DMD: variants seen among roughly 807,000 people sequenced by gnomAD.
DMD encodes the protein dystrophin, also known as mutant dystrophin.
DMD carries 63 observed loss-of-function variants against 330.1 expected under a neutral mutation model. The ratio of observed to expected loss-of-function variants is 0.19; its 90% CI spans 0.16 to 0.24. The LOEUF (loss-of-function observed/expected upper bound fraction) is 0.24. Ranked by LOEUF, DMD falls within the 10% of genes least tolerant of loss-of-function variation. The probability of loss-of-function intolerance (pLI) is 1.00; values close to 1 mark genes in which losing one functional copy is unlikely to be tolerated. For synonymous variants in DMD, 1,223 were observed against 959.8 expected (o/e 1.27, Z -5.07); for missense variants, 3,344 against 2,684.1 (o/e 1.25, Z -5.43).
At chrX:32,596,532 G>T (rs1486444660) in intron 12 of DMD, among the ~76,000 whole-genome samples, 1 of 87,949 alleles carries the variant, frequency 1.1e-5, no homozygotes, top group African/African-American at 5.5e-5. Flanking sequence ...CTACCTATGT[G>T]CTACTTTTTT....
intron 2 of DMD, among the ~76,000 whole-genome samples, chrX:32,923,020 T>C (rs1258508538): frequency 6.3e-5 from 7 of 111,840 alleles, no homozygotes; most frequent in Non-Finnish European, 1.1e-4. Context: ...ATTTTTCCTA[T>C]ATTTTAACAG....
intron 44 of DMD, among the ~76,000 whole-genome samples, chrX:31,976,777 A>G (rs1227343101): frequency 8.9e-6 from 1 of 111,802 alleles, no homozygotes; most frequent in Non-Finnish European, 1.9e-5. Flanking sequence ...TCCTTAATAC[A>G]CTTCTATTCT....
chrX:32,899,836 C>CA (rs2086081876), intron 2 of DMD, among the ~76,000 whole-genome samples: 1 of 111,605 alleles, frequency 9.0e-6, no homozygotes, highest in African/African-American at 3.3e-5. Context: ...AATATATTCT[C>CA]AGTAAAGTAA....
intron 55 of DMD, among the ~76,000 whole-genome samples, chrX:31,622,029 T>A (rs2078559763): frequency 9.0e-6 from 1 of 111,656 alleles, no homozygotes; most frequent in Non-Finnish European, 1.9e-5. Flanking sequence ...GCAGAGATAT[T>A]TTTAAAATCT....
At position 32,009,763 on chromosome X, in the gene DMD, T is replaced by G. The variant is rs142789324; in HGVS notation, c.6439-41249A>C. Reference sequence around the variant, plus strand: ...TATAATCATTATTAATTGCAGTATTTTAAAGTTCACACCAGATGAGCTTCC... The same window carrying G: ...TATAATCATTATTAATTGCAGTATTGTAAAGTTCACACCAGATGAGCTTCC... On this transcript the variant is annotated intron_variant, in intron 44 of 78. Transcript: ENST00000357033. 8.7e-3 allele frequency among the ~76,000 whole-genome samples: 967 copies of G among 111,759 alleles called. 13 individuals are homozygous for G. The highest frequency in any genetic ancestry group is 0.03 in the African/African-American group (926 of 30,758).
chrX:31,256,168 T>G (rs1027267367), intron 63 of DMD, among the ~76,000 whole-genome samples: 3 of 111,970 alleles, frequency 2.7e-5, no homozygotes, highest in Non-Finnish European at 5.6e-5. Context: ...ACTCCACTAC[T>G]ATTCTCTACT....
At chrX:31,260,752 A>G (rs2050429844) in intron 63 of DMD, among the ~76,000 whole-genome samples, 1 of 112,316 alleles carries the variant, frequency 8.9e-6, no homozygotes, top group Non-Finnish European at 1.9e-5. Context: ...TTTAGGAATC[A>G]ATCAACTTCT....
At chrX:32,476,817 T>A (rs926192161) in intron 21 of DMD, among the ~76,000 whole-genome samples, 3 of 111,726 alleles carry the variant, frequency 2.7e-5, no homozygotes, top group Non-Finnish European at 5.7e-5. Flanking sequence ...GCCCTTGTGA[T>A]CCCAACATAG....
intron 74 of DMD, among the ~76,000 whole-genome samples, chrX:31,149,916 C>G (rs1000360893): frequency 2.7e-5 from 3 of 111,603 alleles, no homozygotes; most frequent in Non-Finnish European, 5.7e-5. Context: ...AATCAGAGAA[C>G]CCCTGTATGA....
chrX:32,553,865 C>G (rs963908916), intron 16 of DMD, among the ~76,000 whole-genome samples: 5 of 111,679 alleles, frequency 4.5e-5, no homozygotes, highest in Admixed American at 1.9e-4. Context: ...TAAGAGTTCT[C>G]ATGAGATTTG....
At chrX:31,526,255 TA>T (rs759724597) in intron 55 of DMD, among the ~76,000 whole-genome samples, 2 of 112,574 alleles carry the variant, frequency 1.8e-5, no homozygotes, top group African/African-American at 3.2e-5. Flanking sequence ...GAGGCAGTTT[TA>T]CTTTTCATAG....
intron 44 of DMD, among the ~76,000 whole-genome samples, chrX:31,970,842 TCAGTGA>T (rs952810374): frequency 2.7e-5 from 3 of 111,627 alleles, no homozygotes; most frequent in Admixed American, 9.5e-5. Flanking sequence ...CGTGCAAGCA[TCAGTGA>T]CTACTGAAAT....
chrX:31,373,395 C>T (rs1467797883), intron 60 of DMD, among the ~76,000 whole-genome samples: 2 of 96,154 alleles, frequency 2.1e-5, no homozygotes, highest in African/African-American at 3.6e-5. Context: ...AAGCTGGAGG[C>T]ATCACGCTAC....
At chrX:31,243,272 C>G (rs976700310) in intron 63 of DMD, among the ~76,000 whole-genome samples, 5 of 111,606 alleles carry the variant, frequency 4.5e-5, no homozygotes, top group Non-Finnish European at 9.4e-5. Flanking sequence ...TAATTTAGGG[C>G]TCTGCATATA....
At chrX:32,517,821 T>A in intron 18 of DMD, 187 bp downstream of exon 18, 1 of 499,683 alleles carries the variant, frequency 2.0e-6, no homozygotes, top group Non-Finnish European at 3.4e-6. Flanking sequence ...CACAGAAGAA[T>A]CCAGAAAGAT....
Position 33,034,595 on chromosome X carries a change from T to C in DMD, c.32-14395A>G, listed in dbSNP as rs147444433. Among the ~76,000 whole-genome samples, 198 of 112,355 alleles carry C rather than the reference T, an allele frequency of 1.8e-3. 1 individual carries two copies. The highest frequency in any genetic ancestry group is 6.2e-3 in the African/African-American group (191 of 31,004). On this transcript the variant is annotated intron_variant, in intron 1 of 78. Transcript: ENST00000357033. ...ATACAATTTCCTCAACTTTAAAACA[T>C]AGAATTTGGAAAAGATAATTTCTAT... is the stretch of plus-strand genomic sequence containing the variant.
intron 48 of DMD, among the ~76,000 whole-genome samples, chrX:31,842,019 G>A (rs1162290684): frequency 8.9e-6 from 1 of 111,744 alleles, no homozygotes; most frequent in Non-Finnish European, 1.9e-5. Flanking sequence ...GATGGATCTG[G>A]GTAAACTGAA....
At chrX:31,347,953 A>C (rs908527118) in intron 61 of DMD, among the ~76,000 whole-genome samples, 2 of 111,826 alleles carry the variant, frequency 1.8e-5, no homozygotes, top group African/African-American at 6.5e-5. Flanking sequence ...CTTGATTTGC[A>C]TTTCCCTGGT....
At chrX:32,500,361 T>C (rs1488579305) in intron 19 of DMD, among the ~76,000 whole-genome samples, 2 of 111,885 alleles carry the variant, frequency 1.8e-5, no homozygotes, top group African/African-American at 6.5e-5. Flanking sequence ...AGAAAATTAA[T>C]ATTCTCACTA....
Sources: allele counts gnomAD v4.1 joint callset (sites outside exome capture counted in the v4.1 genomes callset), GRCh38; gene constraint gnomAD v4.1.1; transcripts MANE v1.5; gene names NCBI Gene and HGNC (gene_info 2026-07-23, HGNC 2026-07-21).